Variants in NAT10 observed in about 807,000 individuals in gnomAD.
NAT10 encodes RNA cytidine acetyltransferase.
Under a neutral mutation model 132.2 loss-of-function variants are expected in NAT10, and 109 were observed. The observed-to-expected ratio is 0.82, with a 90% CI of 0.71 to 0.97. The LOEUF (loss-of-function observed/expected upper bound fraction) is 0.97, where lower values mean the gene tolerates loss of function less well. NAT10 is among the 50% of genes least tolerant of loss of function. NAT10 has a pLI of 0.00. For missense variants in NAT10, 1,184 were observed against 1,263.4 expected, an observed-to-expected ratio of 0.94 and a Z score of 0.95; for synonymous variants, 479 against 478.0, an observed-to-expected ratio of 1.00 and a Z score of -0.03.
chr11:34,115,745 A>G, intron 5 of NAT10, 78 bp from the exon 6 acceptor site: 2 of 1,449,310 alleles, frequency 1.4e-6, no homozygotes, highest in South Asian at 2.4e-5. Context: ...GTCTCCTTGG[A>G]TAGAGCTTTG....
chr11:34,139,100 C>T (rs1222704292), intron 21 of NAT10, 91 bp from the exon 22 acceptor site: 4 of 1,229,208 alleles, frequency 3.3e-6, no homozygotes, highest in Non-Finnish European at 3.6e-6. Flanking sequence ...AAGCACTAAG[C>T]CTTTCTTCTC....
chr11:34,129,431 G>T (rs1852060875), intron 12 of NAT10, among the ~76,000 whole-genome samples: 1 of 151,994 alleles, frequency 6.6e-6, no homozygotes, highest in Admixed American at 6.6e-5. Context: ...TATGTTCTTT[G>T]GAGAAATGTG....
At chr11:34,117,211 AAATTT>A (rs147589046) in intron 6 of NAT10, among the ~76,000 whole-genome samples, 15,496 of 152,204 alleles carry the variant, frequency 0.1, 842 homozygotes, top group African/African-American at 0.15. Flanking sequence ...TTTACCAAAA[AAATTT>A]ATTTTTTTGA....
At position 34,124,296 on chromosome 11, in the gene NAT10, C is replaced by T. The variant is rs1412402096; in HGVS notation, c.1009-6C>T. On this transcript the variant is annotated splice_polypyrimidine_tract_variant and splice_region_variant and intron_variant, in intron 10 of 28. Transcript: ENST00000257829. Reference sequence around the variant, plus strand: ...AAAGTTTGTCATTGGTTTGACTCCCCACCAGGAACATCTGGATTATGAGAT... The same window carrying T: ...AAAGTTTGTCATTGGTTTGACTCCCTACCAGGAACATCTGGATTATGAGAT... The T allele has an allele frequency of 3.1e-6, 5 of 1,598,620 alleles. No homozygotes were observed. The highest frequency in any genetic ancestry group is 4.3e-6 in the Non-Finnish European group (5 of 1,169,526).
intron 11 of NAT10, 45 bp downstream of exon 11, chr11:34,124,445 C>T: frequency 7.4e-7 from 1 of 1,356,442 alleles, no homozygotes; most frequent in Non-Finnish European, 1.0e-6. Flanking sequence ...CAGTGTCTTG[C>T]TGTATTTAAC....
intron 11 of NAT10, among the ~76,000 whole-genome samples, chr11:34,126,954 A>C (rs1010460039): frequency 1.3e-5 from 2 of 151,906 alleles, no homozygotes; most frequent in Non-Finnish European, 1.5e-5. Flanking sequence ...AGCAGGGAGC[A>C]CAGTGCCCGG....
At chr11:34,132,741 C>T (rs1304505316) in intron 15 of NAT10, among the ~76,000 whole-genome samples, 1 of 152,216 alleles carries the variant, frequency 6.6e-6, no homozygotes, top group Non-Finnish European at 1.5e-5. Context: ...AAAAAGTTCA[C>T]TTCCTAGCTG....
At chr11:34,134,213 TG>T (rs1565116537) in intron 16 of NAT10, 105 bp from the exon 17 acceptor site, 7 of 912,004 alleles carry the variant, frequency 7.7e-6, no homozygotes, top group Non-Finnish European at 1.3e-5. Flanking sequence ...AACCTGAACA[TG>T]GGGGTGGAAA....
intron 6 of NAT10, among the ~76,000 whole-genome samples, chr11:34,117,740 CT>C (rs996433654): frequency 2.0e-5 from 3 of 151,900 alleles, no homozygotes; most frequent in Non-Finnish European, 4.4e-5. Flanking sequence ...CACCTTCTTC[CT>C]TTTTTTTCTT....
rs1852337301 is a variant in NAT10 at position 34,141,766 on chromosome 11, A to G, written c.2760A>G (p.Ala920=). Reference sequence around the variant, plus strand: ...AGGCCATTGAGGAGCAGATGGTGGCAGCGAAGGATGTGGTCATGGAGCCCA... The same window carrying G: ...AGGCCATTGAGGAGCAGATGGTGGCGGCGAAGGATGTGGTCATGGAGCCCA... ...QEKAIEEQMV[A]AKDVVMEPTM... is the part of the protein sequence containing the mutation. The change falls in exon 26 of 29, where the codon GCA becomes GCG. Residue 920 remains alanine (A), a synonymous_variant. Coordinates refer to ENST00000257829, the MANE Select transcript of NAT10 (RefSeq NM_024662.3). 6.2e-7 allele frequency: 1 copy of G among 1,614,120 alleles called. No homozygotes were observed. The highest frequency in any genetic ancestry group is 8.5e-7 in the Non-Finnish European group (1 of 1,180,040).
rs1031697980 is a variant in NAT10, at chr11:34,108,255, C to G, written c.30C>G (p.Ile10Met). The change falls in exon 2 of 29, where the codon ATC becomes ATG. Residue 10 changes from isoleucine (I) to methionine (M), a missense_variant. Physicochemically the swap from Ile to Met is conservative, Grantham distance 10 (BLOSUM62 1). Coordinates refer to ENST00000257829, the MANE Select transcript of NAT10 (RefSeq NM_024662.3). Reference protein sequence around the residue: MHRKKVDNRIRILIENGVAE... With the variant: MHRKKVDNRMRILIENGVAE... ...ATCGGAAAAAGGTGGATAACCGAAT[C>G]CGGATTCTCATTGAGAATGGAGTAG... 4 of 1,614,112 alleles carry G rather than the reference C, an allele frequency of 2.5e-6. No homozygotes were observed. The highest frequency in any genetic ancestry group is 1.7e-6 in the Non-Finnish European group (2 of 1,180,002).
rs1852210480 is a variant in NAT10 at position 34,136,291 on chromosome 11, A to G, written c.2029-351A>G. Among the ~76,000 whole-genome samples, 3 of 152,092 alleles carry G rather than the reference A, an allele frequency of 2.0e-5. No individual in the cohort carries two copies. The South Asian group carries it at 6.2e-4, about 32-fold the overall frequency. ...GCGATGGGGTTTTGCCATGTTGGCT[A>G]GGCTGGTCTCAAACTCCTGACCTCA... is the stretch of plus-strand genomic sequence containing the variant. On this transcript the variant is annotated intron_variant, in intron 19 of 28. Transcript: ENST00000257829.
intron 27 of NAT10, among the ~76,000 whole-genome samples, chr11:34,142,594 A>G (rs1449728859): frequency 6.6e-6 from 1 of 152,204 alleles, no homozygotes. Context: ...CCAAGGCTCC[A>G]GGTCACACCT....
intron 16 of NAT10, 123 bp downstream of exon 16, chr11:34,133,265 G>A (rs1469942822): frequency 6.4e-6 from 5 of 779,934 alleles, no homozygotes; most frequent in Non-Finnish European, 1.1e-5. Flanking sequence ...TGGAACCAAG[G>A]GGCTGGGTCT....
intron 24 of NAT10, 101 bp from the exon 25 acceptor site, chr11:34,140,988 T>C: frequency 6.7e-7 from 1 of 1,501,968 alleles, no homozygotes; most frequent in Non-Finnish European, 9.2e-7. Flanking sequence ...TCTACCTTTG[T>C]ACCAATAGCT....
rs1248473992 is a variant in NAT10 at position 34,112,141 on chromosome 11, T to TA, written c.291dup (p.Ala98SerfsTer30). On this transcript the variant is annotated frameshift_variant, in exon 4 of 29. Transcript: ENST00000257829. LOFTEE classifies it high-confidence loss of function. The stretch of plus-strand genomic sequence containing the variant: ...CAGGACGACCCCTTTGAACTCTTCA[T>TA]AGCAGCCACAAACATTCGCTACTGC... 6.2e-7 allele frequency: 1 copy of TA among 1,614,232 alleles called. No individual in the cohort carries two copies. The highest frequency in any genetic ancestry group is 2.2e-5 in the East Asian group (1 of 44,882).
chr11:34,140,970 A>G (rs1410711116), intron 24 of NAT10, 119 bp from the exon 25 acceptor site: 3 of 1,329,336 alleles, frequency 2.3e-6, no homozygotes, highest in African/African-American at 2.9e-5. Context: ...CAATATACAC[A>G]GTGCTAGTCT....
At chr11:34,107,838 G>T (rs1396284851) in intron 1 of NAT10, among the ~76,000 whole-genome samples, 1 of 152,230 alleles carries the variant, frequency 6.6e-6, no homozygotes, top group Non-Finnish European at 1.5e-5. Flanking sequence ...TCATGCCATT[G>T]CACTCCAGCC....
intron 14 of NAT10, 53 bp downstream of exon 14, chr11:34,131,584 G>A (rs780387139): frequency 6.8e-4 from 1,040 of 1,520,892 alleles, no homozygotes; most frequent in Non-Finnish European, 8.9e-4. Context: ...GGCGGTGAAA[G>A]AATTCAAAGG....
Sources: gnomAD v4.1 joint callset for allele counts (sites outside exome capture counted in the v4.1 genomes callset) on GRCh38, gnomAD v4.1.1 for gene constraint, MANE v1.5 for transcripts, NCBI Gene and HGNC (gene_info 2026-07-23, HGNC 2026-07-21) for gene names.